The following ROBO2 variants were observed in gnomAD, a reference collection of about 807,000 sequenced individuals.
ROBO2 encodes the protein roundabout homolog 2.
A neutral mutation model predicts 160.8 loss-of-function variants in ROBO2; 53 were observed. That is an observed-to-expected ratio of 0.33 (90% CI 0.26 to 0.41). ROBO2 has a LOEUF of 0.41. ROBO2 is among the 10% of genes least tolerant of loss of function. The pLI, the probability that ROBO2 is intolerant of heterozygous loss-of-function variation, is 1.00. For missense variants in ROBO2, 1,577 were observed against 1,722.4 expected (o/e 0.92, Z 1.49); for synonymous variants, 664 against 611.7 (o/e 1.09, Z -1.26).
At chr3:77,209,505 G>A (rs1405294872) in intron 2 of ROBO2, among the ~76,000 whole-genome samples, 1 of 152,162 alleles carries the variant, frequency 6.6e-6, no homozygotes, top group Admixed American at 6.6e-5. Context: ...ATGAGATGAT[G>A]CAATGAATGT....
chr3:76,961,247 G>GGAA lies in ROBO2; in HGVS notation c.110-136767_110-136766insGAA, dbSNP rs761616869. On this transcript the variant is annotated intron_variant, in intron 2 of 26. Coordinates refer to the ROBO2 transcript ENST00000487694. Reference sequence around the variant, plus strand: ...ATTTGCTATGCTAATGTGCCACAGAGAAAAAAAAAAAAAAAAAAAAACACT... The same window carrying GGAA: ...ATTTGCTATGCTAATGTGCCACAGAGGAAAAAAAAAAAAAAAAAAAAAAACACT... 7.7e-4 allele frequency among the ~76,000 whole-genome samples: 42 copies of GGAA among 54,448 alleles called. 2 individuals are homozygous for GGAA. The highest frequency in any genetic ancestry group is 2.1e-3 in the African/African-American group (39 of 18,484). 35.7% of individuals were successfully genotyped at this position (54,448 alleles called of 152,430 possible).
At chr3:76,242,273 C>T (rs569359901) in intron 2 of ROBO2, among the ~76,000 whole-genome samples, 6 of 152,108 alleles carry the variant, frequency 3.9e-5, no homozygotes, top group Non-Finnish European at 8.8e-5. Flanking sequence ...CACAACTGCC[C>T]CCTTCTTCAG....
intron 2 of ROBO2, among the ~76,000 whole-genome samples, chr3:76,469,141 T>C (rs1577408194): frequency 6.6e-6 from 1 of 152,206 alleles, no homozygotes; most frequent in South Asian, 2.1e-4. Flanking sequence ...CAAATGACCA[T>C]CATTTTTCAT....
At chr3:76,561,849 C>A (rs1274900028) in intron 2 of ROBO2, among the ~76,000 whole-genome samples, 1 of 152,174 alleles carries the variant, frequency 6.6e-6, no homozygotes. Context: ...TTTCTCCGTG[C>A]TATTCATCCA....
rs1430858454 is a variant in ROBO2, at chr3:76,658,085, TAAATAAA to T, written c.110-439928_110-439922del. Among the ~76,000 whole-genome samples the T allele has an allele frequency of 8.8e-4, 129 of 146,462 alleles. 3 individuals carry two copies. The highest frequency in any genetic ancestry group is 3.1e-3 in the African/African-American group (125 of 39,816). ...CTGTCTGAATAAATAAATAAATAAA[TAAATAAA>T]TAAATAAATAAATAAATAAATAAAA... is the stretch of plus-strand genomic sequence containing the variant. On this transcript the variant is annotated intron_variant, in intron 2 of 26. Transcript: ENST00000487694.
At chr3:77,512,290 A>G (rs2089491072) in intron 5 of ROBO2, among the ~76,000 whole-genome samples, 1 of 152,016 alleles carries the variant, frequency 6.6e-6, no homozygotes. Flanking sequence ...CTGTGCAAAG[A>G]TATTACTTGA....
intron 2 of ROBO2, among the ~76,000 whole-genome samples, chr3:76,948,163 T>C (rs867983272): frequency 9.9e-5 from 15 of 152,212 alleles, no homozygotes; most frequent in Non-Finnish European, 1.3e-4. Flanking sequence ...TTATTATTCA[T>C]GTTGAAAAGT....
intron 2 of ROBO2, among the ~76,000 whole-genome samples, chr3:77,017,850 A>G (rs1368852195): frequency 6.6e-6 from 1 of 151,932 alleles, no homozygotes; most frequent in East Asian, 1.9e-4. Flanking sequence ...ATTTATGTTA[A>G]CCCATTTATG....
intron 2 of ROBO2, among the ~76,000 whole-genome samples, chr3:76,839,619 C>T (rs72898162): frequency 5.3e-4 from 80 of 152,244 alleles, no homozygotes; most frequent in Middle Eastern, 6.8e-3. Flanking sequence ...TATTGGCCTG[C>T]AGTTTTCTTT....
intron 2 of ROBO2, among the ~76,000 whole-genome samples, chr3:76,242,832 C>T (rs1705377862): frequency 6.6e-6 from 1 of 152,094 alleles, no homozygotes; most frequent in Non-Finnish European, 1.5e-5. Flanking sequence ...CGCAGTGACC[C>T]GTGATAGTGC....
chr3:77,252,966 A>C (rs914035622), intron 2 of ROBO2, among the ~76,000 whole-genome samples: 2 of 151,130 alleles, frequency 1.3e-5, no homozygotes, highest in African/African-American at 2.4e-5. Flanking sequence ...ATTTCAAATT[A>C]TGCTCTTTTG....
intron 2 of ROBO2, among the ~76,000 whole-genome samples, chr3:76,098,449 G>A (rs1465680946): frequency 6.6e-6 from 1 of 152,060 alleles, no homozygotes; most frequent in Non-Finnish European, 1.5e-5. Flanking sequence ...TTAAGTGCAA[G>A]TGTGTATTAT....
At chr3:76,187,759 C>T (rs1265865139) in intron 2 of ROBO2, among the ~76,000 whole-genome samples, 1 of 152,056 alleles carries the variant, frequency 6.6e-6, no homozygotes, top group African/African-American at 2.4e-5. Context: ...TTGAATATGT[C>T]CACCTCTTTT....
At chr3:76,312,527 C>A (rs1041844572) in intron 2 of ROBO2, among the ~76,000 whole-genome samples, 3 of 152,180 alleles carry the variant, frequency 2.0e-5, no homozygotes, top group Non-Finnish European at 4.4e-5. Flanking sequence ...ATGGTTGGTG[C>A]AGATCCACCC....
chr3:77,102,559 A>G (rs1327360815), intron 2 of ROBO2, among the ~76,000 whole-genome samples: 2 of 152,188 alleles, frequency 1.3e-5, no homozygotes, highest in African/African-American at 4.8e-5. Context: ...GATTAAAAAT[A>G]TGGAATTTTT....
intron 2 of ROBO2, among the ~76,000 whole-genome samples, chr3:76,028,322 C>G (rs1043450112): frequency 6.6e-6 from 1 of 151,846 alleles, no homozygotes; most frequent in Non-Finnish European, 1.5e-5. Flanking sequence ...CTCAAATTAT[C>G]TATGGAGGGG....
At chr3:77,372,628 A>C (rs2071940895) in intron 2 of ROBO2, among the ~76,000 whole-genome samples, 1 of 152,162 alleles carries the variant, frequency 6.6e-6, no homozygotes, top group Non-Finnish European at 1.5e-5. Flanking sequence ...CTATTTTTGC[A>C]TAAAATGTAA....
chr3:76,470,751 G>A lies in ROBO2; in HGVS notation c.109+533149G>A, dbSNP rs191253214. Among the ~76,000 whole-genome samples, 4 of 152,224 alleles carry A rather than the reference G, an allele frequency of 2.6e-5. No homozygotes were observed. The East Asian group carries it at 5.8e-4, about 22-fold the overall frequency. ...CTCTAGAAGAATATTAATACTGAGA[G>A]TATGGTTCTTTTGGGGGCCATCTTT... On this transcript the variant is annotated intron_variant, in intron 2 of 26. Coordinates refer to the ROBO2 transcript ENST00000487694.
intron 2 of ROBO2, among the ~76,000 whole-genome samples, chr3:76,898,394 GACTT>G (rs1318590229): frequency 1.3e-5 from 2 of 151,918 alleles, no homozygotes; most frequent in Non-Finnish European, 2.9e-5. Flanking sequence ...CTTTTTAAAA[GACTT>G]ACTCTTAAGA....
Sources: gnomAD v4.1 joint callset for allele counts (sites outside exome capture counted in the v4.1 genomes callset) on GRCh38, gnomAD v4.1.1 for gene constraint, MANE v1.5 for transcripts, NCBI Gene and HGNC (gene_info 2026-07-23, HGNC 2026-07-21) for gene names.